The following SIPA1L3 variants were observed in gnomAD, a reference collection of about 807,000 sequenced individuals.
SIPA1L3 encodes signal-induced proliferation-associated 1-like protein 3.
In SIPA1L3, 59 loss-of-function variants were observed where a neutral mutation model predicts 150.1. The ratio of observed to expected loss-of-function variants is 0.39; its 90% CI spans 0.32 to 0.49. SIPA1L3 has a LOEUF of 0.49. Ranked by LOEUF, SIPA1L3 falls within the 20% of genes least tolerant of loss-of-function variation. SIPA1L3 has a pLI of 0.86. For synonymous variants in SIPA1L3, 1,070 were observed against 1,077.6 expected, an observed-to-expected ratio of 0.99 and a Z score of 0.14; for missense variants, 2,211 against 2,489.5, an observed-to-expected ratio of 0.89 and a Z score of 2.38.
intron 15 of SIPA1L3, among the ~76,000 whole-genome samples, chr19:38,165,497 G>C (rs1972189395): frequency 6.6e-6 from 1 of 152,170 alleles, no homozygotes; most frequent in Non-Finnish European, 1.5e-5. Flanking sequence ...CAGAGAAGAG[G>C]GGAAAGTTGG....
intron 15 of SIPA1L3, among the ~76,000 whole-genome samples, chr19:38,166,220 C>G (rs904678286): frequency 7.2e-5 from 11 of 151,958 alleles, no homozygotes; most frequent in Admixed American, 7.2e-4. Flanking sequence ...CTTTGGGAGG[C>G]CAAGGCGGGT....
In SIPA1L3 at chr19:38,205,285, CCCCGTCTCTACTAAAATA is replaced by C. The variant is rs766682611; in HGVS notation, c.5203-810_5203-793del. 4.5e-4 allele frequency among the ~76,000 whole-genome samples: 42 copies of C among 94,034 alleles called. No individual in the cohort carries two copies. The Middle Eastern group carries it at 0.025, about 56-fold the overall frequency. 61.7% of individuals were successfully genotyped at this position (94,034 alleles called of 152,430 possible). A position where few individuals can be genotyped will look rare whatever the true frequency, so the allele number is the denominator to read the frequency against. On this transcript the variant is annotated intron_variant, in intron 21 of 21. Transcript: ENST00000222345. ...GACCAGCCTGGCCAATATGGTGAAACCCCGTCTCTACTAAAATACAAAATTAGCCGGGTGTGGTGGTGC... is the reference window on the plus strand; with the variant it reads ...GACCAGCCTGGCCAATATGGTGAAACCAAAATTAGCCGGGTGTGGTGGTGC...
At chr19:38,044,469 C>G (rs1240138454) in intron 2 of SIPA1L3, among the ~76,000 whole-genome samples, 1 of 151,908 alleles carries the variant, frequency 6.6e-6, no homozygotes, top group African/African-American at 2.4e-5. Flanking sequence ...AGGGAGGAGA[C>G]CTGGAGAGTA....
chr19:37,948,689 G>A (rs925776702), intron 1 of SIPA1L3, among the ~76,000 whole-genome samples: 1 of 152,090 alleles, frequency 6.6e-6, no homozygotes, highest in East Asian at 1.9e-4. Context: ...CGGCCCCCAC[G>A]CTCTTGGAGC....
At chr19:38,044,717 C>T (rs937753377) in intron 2 of SIPA1L3, among the ~76,000 whole-genome samples, 10 of 152,196 alleles carry the variant, frequency 6.6e-5, no homozygotes, top group South Asian at 4.2e-4. Flanking sequence ...GAGGTTAGAA[C>T]GCAGAGGAGC....
chr19:37,953,532 A>ATGTGTGTGTG (rs34795645), intron 1 of SIPA1L3, among the ~76,000 whole-genome samples: 1 of 151,760 alleles, frequency 6.6e-6, no homozygotes, highest in Non-Finnish European at 1.5e-5. Context: ...TGCATTCCTC[A>ATGTGTGTGTG]TGTGTGTGTG....
intron 2 of SIPA1L3, among the ~76,000 whole-genome samples, chr19:38,079,866 A>G (rs997178311): frequency 6.6e-6 from 1 of 152,320 alleles, no homozygotes; most frequent in East Asian, 1.9e-4. Context: ...GGAAGTCCCC[A>G]TGGAAGAACT....
At chr19:38,118,916 C>T (rs201309531) in intron 8 of SIPA1L3, among the ~76,000 whole-genome samples, 24 of 126,734 alleles carry the variant, frequency 1.9e-4, no homozygotes, top group African/African-American at 7.4e-4. Flanking sequence ...GGAAACTGGC[C>T]GCGTGTGGTG....
At position 38,169,912 on chromosome 19, in the gene SIPA1L3, G is replaced by A. The variant is rs186435082; in HGVS notation, c.4208+5006G>A. 6.6e-4 allele frequency among the ~76,000 whole-genome samples: 101 copies of A among 152,110 alleles called. 1 individual carries two copies. The highest frequency in any genetic ancestry group is 4.7e-3 in the Admixed American group (72 of 15,288). Reference sequence around the variant, plus strand: ...GGGATACAAGGCAGCTGCGAAGAGGGGTCAGGGTAAGATGAGGGGCCCAGG... The same window carrying A: ...GGGATACAAGGCAGCTGCGAAGAGGAGTCAGGGTAAGATGAGGGGCCCAGG... On this transcript the variant is annotated intron_variant, in intron 15 of 21. Coordinates refer to ENST00000222345, the MANE Select transcript of SIPA1L3 (RefSeq NM_015073.3).
intron 1 of SIPA1L3, among the ~76,000 whole-genome samples, chr19:37,930,836 C>T (rs919522957): frequency 1.3e-5 from 2 of 151,652 alleles, no homozygotes; most frequent in African/African-American, 2.4e-5. Context: ...CCCTCCCCCC[C>T]AACCCCCAAC....
intron 12 of SIPA1L3, among the ~76,000 whole-genome samples, chr19:38,151,932 A>G (rs1971833215): frequency 7.0e-6 from 1 of 142,854 alleles, no homozygotes. Context: ...ACTGCACTCC[A>G]GCCTGGTTGA....
chr19:37,918,563 G>C (rs78683068), intron 1 of SIPA1L3, among the ~76,000 whole-genome samples: 8,193 of 151,962 alleles, frequency 0.054, 257 homozygotes, highest in East Asian at 0.11. Flanking sequence ...CAGCCTGAAA[G>C]CTCATTTCTA....
intron 1 of SIPA1L3, among the ~76,000 whole-genome samples, chr19:37,909,449 T>G (rs1191874917): frequency 6.6e-6 from 1 of 152,112 alleles, no homozygotes; most frequent in Non-Finnish European, 1.5e-5. Flanking sequence ...CCTCAGGTGA[T>G]CTACCCATTT....
At chr19:38,021,843 G>A (rs377021762) in intron 1 of SIPA1L3, among the ~76,000 whole-genome samples, 30 of 152,162 alleles carry the variant, frequency 2.0e-4, no homozygotes, top group East Asian at 1.5e-3. Context: ...ACTGCACCCC[G>A]CGTATGAATC....
intron 21 of SIPA1L3, among the ~76,000 whole-genome samples, chr19:38,204,846 G>A (rs888258809): frequency 6.6e-6 from 1 of 152,316 alleles, no homozygotes; most frequent in African/African-American, 2.4e-5. Context: ...CAAAGAGATT[G>A]TGAACAAGGA....
At chr19:38,091,700 G>A (rs1600055077) in intron 4 of SIPA1L3, among the ~76,000 whole-genome samples, 1 of 152,162 alleles carries the variant, frequency 6.6e-6, no homozygotes, top group East Asian at 1.9e-4. Flanking sequence ...ACTGCACACT[G>A]GACCCACTCA....
At chr19:37,918,138 C>T (rs1052114972) in intron 1 of SIPA1L3, among the ~76,000 whole-genome samples, 9 of 152,100 alleles carry the variant, frequency 5.9e-5, no homozygotes, top group African/African-American at 1.7e-4. Flanking sequence ...AACCTGGAAC[C>T]TTACCTCCCA....
intron 10 of SIPA1L3, among the ~76,000 whole-genome samples, chr19:38,138,627 GTGCCTCA>G (rs1945102637): frequency 4.5e-5 from 1 of 22,078 alleles, no homozygotes; most frequent in Admixed American, 5.6e-4. Context: ...ATAGGACGTG[GTGCCTCA>G]TGCCTGTAAT....
chr19:37,982,856 A>G (rs1967236538), intron 1 of SIPA1L3, among the ~76,000 whole-genome samples: 1 of 152,164 alleles, frequency 6.6e-6, no homozygotes, highest in Admixed American at 6.5e-5. Context: ...GGACGGGGTC[A>G]AGCAGGGGCA....
Sources: gnomAD v4.1 joint callset for allele counts (sites outside exome capture counted in the v4.1 genomes callset) on GRCh38, gnomAD v4.1.1 for gene constraint, MANE v1.5 for transcripts, NCBI Gene and HGNC (gene_info 2026-07-23, HGNC 2026-07-21) for gene names.